The following SNTG1 variants were observed in gnomAD, a reference collection of about 807,000 sequenced individuals.
SNTG1 encodes gamma-1-syntrophin.
A neutral mutation model predicts 74.7 loss-of-function variants in SNTG1; 39 were observed. The ratio of observed to expected loss-of-function variants is 0.52; its 90% CI spans 0.40 to 0.68. SNTG1 has a LOEUF of 0.68. SNTG1 is among the 30% of genes least tolerant of loss of function. SNTG1 has a pLI of 0.00. For missense variants in SNTG1, 685 were observed against 609.5 expected, an observed-to-expected ratio of 1.12 and a Z score of -1.30; for synonymous variants, 254 against 217.1, an observed-to-expected ratio of 1.17 and a Z score of -1.49.
intron 18 of SNTG1, among the ~76,000 whole-genome samples, chr8:50,785,600 A>G (rs897575881): frequency 6.6e-6 from 1 of 152,110 alleles, no homozygotes; most frequent in Non-Finnish European, 1.5e-5. Flanking sequence ...CAATGAAAAA[A>G]CAATTATTAC....
At chr8:50,148,456 G>T (rs186306159) in intron 1 of SNTG1, among the ~76,000 whole-genome samples, 305 of 152,062 alleles carry the variant, frequency 2.0e-3, no homozygotes, top group African/African-American at 6.5e-3. Flanking sequence ...TGTGCACAAC[G>T]TGCAGGTTTG....
At chr8:50,059,046 A>G (rs561033399) in intron 1 of SNTG1, among the ~76,000 whole-genome samples, 1 of 152,234 alleles carries the variant, frequency 6.6e-6, no homozygotes, top group East Asian at 1.9e-4. Flanking sequence ...TATTCCTTCA[A>G]GATTCATCCA....
intron 18 of SNTG1, among the ~76,000 whole-genome samples, chr8:50,766,113 G>A (rs1054645629): frequency 1.3e-5 from 2 of 151,940 alleles, no homozygotes; most frequent in African/African-American, 4.8e-5. Flanking sequence ...TCTGGTGGAG[G>A]CCACTGTCTG....
chr8:50,246,489 A>T (rs780246851), intron 2 of SNTG1, among the ~76,000 whole-genome samples: 2 of 121,568 alleles, frequency 1.6e-5, no homozygotes, highest in Admixed American at 2.1e-4. Flanking sequence ...TAAGTGAAGA[A>T]ACATTAGTGT....
At chr8:50,196,840 G>A (rs770056713) in intron 2 of SNTG1, among the ~76,000 whole-genome samples, 4 of 151,458 alleles carry the variant, frequency 2.6e-5, no homozygotes, top group Non-Finnish European at 5.9e-5. Context: ...AACCTAGTCA[G>A]GCATAGTGAT....
chr8:50,014,297 C>T (rs1386809614), intron 1 of SNTG1, among the ~76,000 whole-genome samples: 1 of 152,114 alleles, frequency 6.6e-6, no homozygotes. Flanking sequence ...ATTTGACCCA[C>T]AGCTCAACTC....
chr8:50,762,077 A>AAC (rs978280056), intron 18 of SNTG1, among the ~76,000 whole-genome samples: 7 of 151,922 alleles, frequency 4.6e-5, no homozygotes, highest in Non-Finnish European at 8.8e-5. Context: ...ATTAACACAA[A>AAC]ACACAAGTGA....
intron 3 of SNTG1, among the ~76,000 whole-genome samples, chr8:50,395,523 TA>T: frequency 1.3e-5 from 2 of 150,644 alleles, no homozygotes; most frequent in South Asian, 4.2e-4. Context: ...TTTTTTTTTT[TA>T]ATGGAGTCTC....
At chr8:50,301,876 A>G (rs199907010) in intron 2 of SNTG1, among the ~76,000 whole-genome samples, 1 of 143,032 alleles carries the variant, frequency 7.0e-6, no homozygotes, top group Admixed American at 6.9e-5. Context: ...TTTTTTTTTG[A>G]GACAGAGTCT....
chr8:50,377,387 AAGG>A (rs2092406746), intron 2 of SNTG1, among the ~76,000 whole-genome samples: 1 of 152,144 alleles, frequency 6.6e-6, no homozygotes, highest in East Asian at 1.9e-4. Context: ...TTTAGATTTG[AAGG>A]AGGAGAACAA....
chr8:50,640,076 G>A (rs986925497), intron 13 of SNTG1, among the ~76,000 whole-genome samples: 2 of 152,102 alleles, frequency 1.3e-5, no homozygotes, highest in African/African-American at 4.8e-5. Flanking sequence ...ATTTAGCATT[G>A]CAAAAGAAAA....
Position 50,796,561 on chromosome 8 carries a change from G to T in SNTG1, c.*3732G>T, listed in dbSNP as rs57783402. On this transcript the variant is annotated 3_prime_UTR_variant, in exon 19 of 19. Transcript: ENST00000642720. ...TTTTTAATTGTTTTGGTGGATGTTT[G>T]TAAAATGTAAATTAATATCTGTGAC... 1 of 151,842 alleles carries T rather than the reference G, an allele frequency of 6.6e-6. No homozygotes were observed. The highest frequency in any genetic ancestry group is 1.5e-5 in the Non-Finnish European group (1 of 67,904). 9.4% of individuals were successfully genotyped at this position (151,842 alleles called of 1,614,324 possible).
intron 2 of SNTG1, among the ~76,000 whole-genome samples, chr8:50,326,152 T>C (rs546282173): frequency 2.6e-5 from 4 of 152,094 alleles, no homozygotes; most frequent in Non-Finnish European, 4.4e-5. Flanking sequence ...TCTTTGCCTG[T>C]AATTTTCTAT....
At position 50,502,887 on chromosome 8, in the gene SNTG1, A is replaced by C. The variant is rs1585487757; in HGVS notation, c.466+7A>C. On this transcript the variant is annotated splice_region_variant and intron_variant, in intron 9 of 18. Coordinates refer to ENST00000642720, the MANE Select transcript of SNTG1 (RefSeq NM_018967.5). ...TTGAATGAAGATTGTGCATGTAAGC[A>C]TTTATAAAGAATAGATAAAAGTGCT... 6.2e-7 allele frequency: 1 copy of C among 1,602,864 alleles called. No individual in the cohort carries two copies.
At chr8:50,268,358 G>C (rs1327550829) in intron 2 of SNTG1, among the ~76,000 whole-genome samples, 1 of 152,030 alleles carries the variant, frequency 6.6e-6, no homozygotes, top group Non-Finnish European at 1.5e-5. Flanking sequence ...TTAATCTATA[G>C]ATTTAATATC....
At chr8:50,462,794 C>CT (rs2093576027) in intron 8 of SNTG1, among the ~76,000 whole-genome samples, 9 of 43,628 alleles carry the variant, frequency 2.1e-4, no homozygotes, top group African/African-American at 5.2e-4. Context: ...TCAGGTTCTA[C>CT]TCTTTTTTTT....
At chr8:50,726,159 A>T (rs1329361755) in intron 17 of SNTG1, among the ~76,000 whole-genome samples, 1 of 152,274 alleles carries the variant, frequency 6.6e-6, no homozygotes, top group South Asian at 2.1e-4. Flanking sequence ...TTAACCAGGA[A>T]CTCCTCATTG....
intron 15 of SNTG1, among the ~76,000 whole-genome samples, chr8:50,677,972 G>T (rs772419248): frequency 3.9e-5 from 6 of 151,942 alleles, no homozygotes; most frequent in African/African-American, 1.4e-4. Flanking sequence ...ACACCAGGGC[G>T]TGTGGGGAGA....
At chr8:50,178,614 C>T (rs1245230221) in intron 2 of SNTG1, among the ~76,000 whole-genome samples, 1 of 152,136 alleles carries the variant, frequency 6.6e-6, no homozygotes, top group African/African-American at 2.4e-5. Context: ...CAAAATCAAA[C>T]CTATAGTTGT....
Sources: gnomAD v4.1 joint callset for allele counts (sites outside exome capture counted in the v4.1 genomes callset) on GRCh38, gnomAD v4.1.1 for gene constraint, MANE v1.5 for transcripts, NCBI Gene and HGNC (gene_info 2026-07-23, HGNC 2026-07-21) for gene names.